Variants in TTC3 observed in about 807,000 individuals in gnomAD.
TTC3 encodes the protein tetratricopeptide repeat domain 3.
TTC3 carries 180 observed loss-of-function variants against 249.6 expected under a neutral mutation model. The observed-to-expected ratio is 0.72, with a 90% confidence interval of 0.64 to 0.82. TTC3 has a LOEUF of 0.82. Ranked by LOEUF, TTC3 falls within the 40% of genes least tolerant of loss-of-function variation. TTC3 has a pLI of 0.00. For synonymous variants in TTC3, 717 were observed against 805.0 expected (o/e 0.89, Z 1.85); for missense variants, 2,061 against 2,398.4 (o/e 0.86, Z 2.94).
chr21:37,135,554 G>C, intron 18 of TTC3, 40 bp downstream of exon 18: 2 of 1,598,006 alleles, frequency 1.3e-6, no homozygotes, highest in Non-Finnish European at 1.7e-6. Flanking sequence ...CAATGCTAAT[G>C]CACCTCAGAT....
chr21:37,122,634 C>T (rs1197721397), intron 12 of TTC3, among the ~76,000 whole-genome samples: 1 of 151,760 alleles, frequency 6.6e-6, no homozygotes, highest in African/African-American at 2.4e-5. Flanking sequence ...CAAAGCTGAG[C>T]TGAACAGCTC....
chr21:37,165,634 A>T (rs745750704), exon 33 of TTC3: 1 of 1,614,158 alleles, frequency 6.2e-7, no homozygotes, highest in Non-Finnish European at 8.5e-7. Flanking sequence ...TTTTCCCAGA[A>T]GAAACTCGAC....
At chr21:37,127,573 T>A (rs1165796176) in intron 15 of TTC3, among the ~76,000 whole-genome samples, 3 of 152,250 alleles carry the variant, frequency 2.0e-5, no homozygotes, top group African/African-American at 7.2e-5. Flanking sequence ...GTTTTCTTGA[T>A]GGCTTAAGGT....
intron 14 of TTC3, among the ~76,000 whole-genome samples, chr21:37,125,349 A>C (rs1477109632): frequency 6.6e-6 from 1 of 152,328 alleles, no homozygotes; most frequent in East Asian, 1.9e-4. Flanking sequence ...CTGTATCCTC[A>C]CTAACATTTT....
chr21:37,135,285 A>G (rs1459120102), intron 17 of TTC3, 95 bp from the exon 18 acceptor site: 28 of 1,317,442 alleles, frequency 2.1e-5, no homozygotes, highest in Non-Finnish European at 2.8e-5. Flanking sequence ...ACATTTTATC[A>G]TTAGTTATAA....
At chr21:37,075,413 A>G (rs1371050434) in intron 1 of TTC3, among the ~76,000 whole-genome samples, 1 of 152,222 alleles carries the variant, frequency 6.6e-6, no homozygotes, top group African/African-American at 2.4e-5. Context: ...AAGTTTCTGT[A>G]GGAAGTACAC....
At chr21:37,185,364 C>A (rs1377399242) in intron 36 of TTC3, among the ~76,000 whole-genome samples, 2 of 152,216 alleles carry the variant, frequency 1.3e-5, no homozygotes, top group African/African-American at 4.8e-5. Context: ...GAATCCACAT[C>A]TTCTCATTTT....
chr21:37,080,722 T>G (rs2071523234), intron 1 of TTC3, among the ~76,000 whole-genome samples: 1 of 152,196 alleles, frequency 6.6e-6, no homozygotes, highest in African/African-American at 2.4e-5. Context: ...TAAGTTTGCT[T>G]CTTTGTCTTA....
chr21:37,166,397 G>A (rs2081259395), exon 33 of TTC3: 1 of 1,614,216 alleles, frequency 6.2e-7, no homozygotes, highest in East Asian at 2.2e-5. Context: ...TGCTGAGAAT[G>A]TTGCTGGTCA....
At chr21:37,185,928 AAATT>A (rs1291321038) in intron 37 of TTC3, 154 bp downstream of exon 37, 1 of 317,356 alleles carries the variant, frequency 3.2e-6, no homozygotes, top group Non-Finnish European at 5.8e-6. Flanking sequence ...TGCATTTTAA[AAATT>A]AATTTATAAA....
chr21:37,192,920 G>A (rs539213731), intron 41 of TTC3, among the ~76,000 whole-genome samples: 14 of 152,314 alleles, frequency 9.2e-5, no homozygotes, highest in African/African-American at 3.4e-4. Context: ...ATAGATAGAT[G>A]CTTAGTAAAT....
At chr21:37,110,743 C>A (rs976677558) in intron 11 of TTC3, among the ~76,000 whole-genome samples, 7 of 152,086 alleles carry the variant, frequency 4.6e-5, no homozygotes, top group African/African-American at 1.7e-4. Context: ...AACTCCAAGA[C>A]ACATAATTGT....
intron 32 of TTC3, among the ~76,000 whole-genome samples, chr21:37,165,104 CA>C (rs1391343774): frequency 6.6e-6 from 1 of 152,106 alleles, no homozygotes; most frequent in African/African-American, 2.4e-5. Flanking sequence ...TTCAGGCATC[CA>C]AAAGTAAAGC....
At chr21:37,192,040 TATA>T (rs2084203354) in intron 40 of TTC3, 69 bp from the exon 41 acceptor site, 5 of 930,936 alleles carry the variant, frequency 5.4e-6, no homozygotes, top group African/African-American at 1.7e-5. Flanking sequence ...ATGTTTCATT[TATA>T]ATGTGTAGGA....
chr21:37,124,512 C>A, intron 13 of TTC3, 107 bp from the exon 14 acceptor site: 2 of 1,231,176 alleles, frequency 1.6e-6, no homozygotes, highest in South Asian at 1.4e-5. Context: ...CTTTTTAAAA[C>A]AATAATACCT....
rs188297997 is a variant in TTC3, at chr21:37,143,117, A to G, written c.1773-1408A>G. ...AATTCAAGATGGATTAAAGACTTCAATGTTTGACCTAAAACCATAAAAACC... is the reference window on the plus strand; with the variant it reads ...AATTCAAGATGGATTAAAGACTTCAGTGTTTGACCTAAAACCATAAAAACC... On this transcript the variant is annotated intron_variant, in intron 20 of 45. Coordinates refer to ENST00000355666, the Ensembl canonical transcript of TTC3. 1.1e-4 allele frequency among the ~76,000 whole-genome samples: 16 copies of G among 152,380 alleles called. No individual in the cohort carries two copies. In the East Asian group the frequency reaches 2.1e-3, roughly 20 times the overall value.
chr21:37,109,976 T>TC (rs1229606936), intron 11 of TTC3, among the ~76,000 whole-genome samples: 3 of 152,070 alleles, frequency 2.0e-5, no homozygotes, highest in Non-Finnish European at 4.4e-5. Context: ...TCCAGTAAAC[T>TC]CCAACAGACC....
At chr21:37,145,743 C>T (rs1378991456) in intron 21 of TTC3, among the ~76,000 whole-genome samples, 1 of 152,148 alleles carries the variant, frequency 6.6e-6, no homozygotes, top group Non-Finnish European at 1.5e-5. Context: ...CTACTCATGT[C>T]AGAAGGCGTA....
intron 40 of TTC3, 141 bp from the exon 41 acceptor site, chr21:37,191,971 A>G: frequency 1.9e-6 from 1 of 538,972 alleles, no homozygotes; most frequent in East Asian, 3.1e-5. Context: ...ATGTTTGAAA[A>G]GGCTTTGGAG....
Sources: gnomAD v4.1 joint callset for allele counts (sites outside exome capture counted in the v4.1 genomes callset) on GRCh38, gnomAD v4.1.1 for gene constraint, MANE v1.5 for transcripts, NCBI Gene and HGNC (gene_info 2026-07-23, HGNC 2026-07-21) for gene names.